The following ARHGAP12 variants were observed in gnomAD, a reference collection of about 807,000 sequenced individuals.
The protein encoded by ARHGAP12 is rho GTPase-activating protein 12.
Under a neutral mutation model 108.6 loss-of-function variants are expected in ARHGAP12, and 64 were observed. The ratio of observed to expected loss-of-function variants is 0.59; its 90% confidence interval spans 0.48 to 0.73. The LOEUF is 0.73. Among genes scored for constraint, ARHGAP12 ranks in the 30% least tolerant of loss-of-function variants. The probability of loss-of-function intolerance (pLI) is 0.00; values close to 1 mark genes in which losing one functional copy is unlikely to be tolerated. For missense variants in ARHGAP12, 940 were observed against 1,005.9 expected (o/e 0.93, Z 0.89); for synonymous variants, 312 against 337.2 (o/e 0.93, Z 0.82).
intron 3 of ARHGAP12, among the ~76,000 whole-genome samples, chr10:31,873,622 T>C (rs1407290830): frequency 1.3e-5 from 2 of 152,212 alleles, no homozygotes; most frequent in Non-Finnish European, 2.9e-5. Flanking sequence ...GTCTTATCAT[T>C]ACACATTCTC....
At chr10:31,849,517 T>A (rs534033333) in intron 6 of ARHGAP12, among the ~76,000 whole-genome samples, 1 of 152,324 alleles carries the variant, frequency 6.6e-6, no homozygotes, top group African/African-American at 2.4e-5. Context: ...CTTGACAGAT[T>A]TATCTTAGAC....
At chr10:31,925,649 T>C (rs1326241184) in intron 1 of ARHGAP12, among the ~76,000 whole-genome samples, 2 of 152,186 alleles carry the variant, frequency 1.3e-5, no homozygotes, top group Non-Finnish European at 2.9e-5. Context: ...GCCCTAGATA[T>C]TCTAACAACA....
chr10:31,811,607 TG>T (rs142455523), intron 15 of ARHGAP12, among the ~76,000 whole-genome samples: 7,524 of 151,760 alleles, frequency 0.05, 625 homozygotes, highest in African/African-American at 0.17. Flanking sequence ...AATGCTTTAT[TG>T]GAGAGTACCT....
At chr10:31,869,406 G>C (rs1837454896) in intron 3 of ARHGAP12, among the ~76,000 whole-genome samples, 1 of 151,914 alleles carries the variant, frequency 6.6e-6, no homozygotes, top group Admixed American at 6.6e-5. Context: ...GTGTGGTGGT[G>C]GGCGCCTGTA....
rs555753098 is a variant in ARHGAP12, at chr10:31,857,551, TG to T, written c.949-3346del. Among the ~76,000 whole-genome samples, 6 of 152,244 alleles carry T rather than the reference TG, an allele frequency of 3.9e-5. No individual in the cohort carries two copies. The South Asian group carries it at 1.2e-3, about 32-fold the overall frequency. On this transcript the variant is annotated intron_variant, in intron 4 of 19. Transcript: ENST00000344936. Reference sequence around the variant, plus strand: ...GATACAGCTAAGAATTTTCCAGAATTGATCAAAGACAGGACTCCTCAAATTC... The same window carrying T: ...GATACAGCTAAGAATTTTCCAGAATTATCAAAGACAGGACTCCTCAAATTC...
At chr10:31,900,771 T>C (rs993094936) in intron 3 of ARHGAP12, among the ~76,000 whole-genome samples, 3 of 152,212 alleles carry the variant, frequency 2.0e-5, no homozygotes, top group East Asian at 3.8e-4. Flanking sequence ...ATACCCAATA[T>C]TGCGCATTTG....
intron 5 of ARHGAP12, among the ~76,000 whole-genome samples, chr10:31,853,664 T>G (rs914784694): frequency 2.0e-5 from 3 of 152,140 alleles, no homozygotes; most frequent in African/African-American, 4.8e-5. Flanking sequence ...AGATTGATGG[T>G]TTTTGTTTTA....
chr10:31,906,866 T>C (rs1323570349), intron 3 of ARHGAP12, among the ~76,000 whole-genome samples: 1 of 152,176 alleles, frequency 6.6e-6, no homozygotes. Flanking sequence ...TAAGGCCCAT[T>C]AGTTCCCTGA....
intron 10 of ARHGAP12, among the ~76,000 whole-genome samples, chr10:31,830,282 T>C (rs1049230426): frequency 1.3e-5 from 2 of 152,012 alleles, no homozygotes; most frequent in Non-Finnish European, 2.9e-5. Context: ...CATAGGAAAC[T>C]AAAGATTTTG....
intron 9 of ARHGAP12, among the ~76,000 whole-genome samples, chr10:31,834,452 C>T (rs1370646002): frequency 2.0e-5 from 3 of 152,168 alleles, no homozygotes; most frequent in Non-Finnish European, 4.4e-5. Flanking sequence ...GGTGCCCTCA[C>T]CAGACAGTGA....
intron 1 of ARHGAP12, among the ~76,000 whole-genome samples, chr10:31,924,283 C>CA (rs531562818): frequency 6.6e-6 from 1 of 152,156 alleles, no homozygotes; most frequent in African/African-American, 2.4e-5. Context: ...ATTGAAAACT[C>CA]AAAGGCCTAT....
chr10:31,911,764 T>C (rs562591657), intron 1 of ARHGAP12, among the ~76,000 whole-genome samples: 2 of 152,314 alleles, frequency 1.3e-5, no homozygotes, highest in African/African-American at 4.8e-5. Flanking sequence ...TCACCTACGT[T>C]ATATTCTTGT....
At chr10:31,881,638 T>C (rs1371017293) in intron 3 of ARHGAP12, among the ~76,000 whole-genome samples, 3 of 152,228 alleles carry the variant, frequency 2.0e-5, no homozygotes, top group East Asian at 3.8e-4. Flanking sequence ...AGTTTAACTA[T>C]TCCTCTCCAT....
intron 3 of ARHGAP12, among the ~76,000 whole-genome samples, chr10:31,896,218 C>T (rs575131038): frequency 6.7e-6 from 1 of 150,052 alleles, no homozygotes; most frequent in Admixed American, 6.7e-5. Flanking sequence ...TGCAGATGTA[C>T]CCAAGAACTT....
At position 31,919,209 on chromosome 10, in the gene ARHGAP12, C is replaced by T. The variant is rs911150486; in HGVS notation, c.-110-8646G>A. Among the ~76,000 whole-genome samples the T allele has an allele frequency of 2.6e-5, 4 of 151,926 alleles. No homozygotes were observed. The East Asian group carries it at 7.7e-4, about 29-fold the overall frequency. ...AGACAGAAAGCAGAATGGTGGTTAC[C>T]AAGGGATGGAGAAAGACAGCAACAG... On this transcript the variant is annotated intron_variant, in intron 1 of 19. Coordinates refer to ENST00000344936, the MANE Select transcript of ARHGAP12 (RefSeq NM_018287.7).
At chr10:31,895,492 T>C (rs897212139) in intron 3 of ARHGAP12, among the ~76,000 whole-genome samples, 4 of 152,030 alleles carry the variant, frequency 2.6e-5, no homozygotes, top group Admixed American at 6.6e-5. Context: ...CATGAAAAAA[T>C]GCTCACCATC....
intron 6 of ARHGAP12, among the ~76,000 whole-genome samples, chr10:31,845,792 TAAAG>T (rs1047806131): frequency 7.9e-5 from 12 of 152,074 alleles, no homozygotes; most frequent in Admixed American, 2.0e-4. Context: ...CTCAAAAAAA[TAAAG>T]AAAGAAAGAA....
intron 3 of ARHGAP12, among the ~76,000 whole-genome samples, chr10:31,884,602 C>T (rs1394402936): frequency 2.0e-5 from 3 of 152,200 alleles, no homozygotes; most frequent in African/African-American, 7.2e-5. Flanking sequence ...ACTCTTTGTA[C>T]TTTCTCACAT....
chr10:31,915,459 G>GA (rs1188200482), intron 1 of ARHGAP12, among the ~76,000 whole-genome samples: 1 of 151,668 alleles, frequency 6.6e-6, no homozygotes, highest in Non-Finnish European at 1.5e-5. Context: ...GAAATACTGA[G>GA]ATGTTGCTCA....
Sources: allele counts gnomAD v4.1 joint callset (sites outside exome capture counted in the v4.1 genomes callset), GRCh38; gene constraint gnomAD v4.1.1; transcripts MANE v1.5; gene names NCBI Gene and HGNC (gene_info 2026-07-23, HGNC 2026-07-21).